The following SNTG1 variants were observed in gnomAD, a reference collection of about 807,000 sequenced individuals.
SNTG1 encodes the protein syntrophin gamma 1.
In SNTG1, 39 loss-of-function variants were observed where a neutral mutation model predicts 74.7. The ratio of observed to expected loss-of-function variants is 0.52; its 90% CI spans 0.40 to 0.68. The LOEUF is 0.68. Ranked by LOEUF, SNTG1 falls within the 30% of genes least tolerant of loss-of-function variation. The pLI is 0.00. For missense variants in SNTG1, 685 were observed against 609.5 expected (o/e 1.12, Z -1.30); for synonymous variants, 254 against 217.1 (o/e 1.17, Z -1.49).
At chr8:50,483,159 A>G (rs1189318229) in intron 8 of SNTG1, among the ~76,000 whole-genome samples, 1 of 152,242 alleles carries the variant, frequency 6.6e-6, no homozygotes, top group Non-Finnish European at 1.5e-5. Context: ...TAAATATTGA[A>G]CAGTCTCATA....
At chr8:50,109,837 G>A (rs2080513993) in intron 1 of SNTG1, among the ~76,000 whole-genome samples, 1 of 152,148 alleles carries the variant, frequency 6.6e-6, no homozygotes, top group South Asian at 2.1e-4. Context: ...CAGTGTGCCG[G>A]CAACAGCCCT....
At chr8:50,693,569 T>G (rs2095391752) in intron 15 of SNTG1, among the ~76,000 whole-genome samples, 1 of 151,922 alleles carries the variant, frequency 6.6e-6, no homozygotes, top group South Asian at 2.1e-4. Context: ...AGACAGAAAA[T>G]TAATAAGGAA....
intron 2 of SNTG1, among the ~76,000 whole-genome samples, chr8:50,234,952 A>G (rs2085814245): frequency 6.6e-6 from 1 of 152,142 alleles, no homozygotes; most frequent in African/African-American, 2.4e-5. Flanking sequence ...GTCATAGGAT[A>G]TTAGACAAAA....
At chr8:50,126,105 C>T (rs1028320246) in intron 1 of SNTG1, among the ~76,000 whole-genome samples, 16 of 152,000 alleles carry the variant, frequency 1.1e-4, no homozygotes, top group African/African-American at 2.7e-4. Flanking sequence ...GACAAGTGGC[C>T]GCACACTGAG....
At chr8:49,998,840 T>C (rs897211442) in intron 1 of SNTG1, among the ~76,000 whole-genome samples, 1 of 152,196 alleles carries the variant, frequency 6.6e-6, no homozygotes, top group Admixed American at 6.6e-5. Context: ...TAATGATAGA[T>C]AATGATAAAA....
intron 8 of SNTG1, among the ~76,000 whole-genome samples, chr8:50,481,235 G>T (rs1396838021): frequency 6.6e-6 from 1 of 152,112 alleles, no homozygotes; most frequent in Non-Finnish European, 1.5e-5. Context: ...ACAAAAATTA[G>T]CCGGGTATGG....
intron 2 of SNTG1, among the ~76,000 whole-genome samples, chr8:50,305,834 G>A (rs1262196289): frequency 6.6e-6 from 1 of 151,092 alleles, no homozygotes; most frequent in Non-Finnish European, 1.5e-5. Context: ...TAACCCAGTA[G>A]CTCCAATTTA....
At chr8:50,553,690 A>T (rs1161995771) in intron 12 of SNTG1, among the ~76,000 whole-genome samples, 1 of 152,092 alleles carries the variant, frequency 6.6e-6, no homozygotes, top group African/African-American at 2.4e-5. Context: ...TTTCCACTAC[A>T]ACCGTTGCTT....
At chr8:49,965,590 C>T (rs935480708) in intron 1 of SNTG1, among the ~76,000 whole-genome samples, 3 of 152,168 alleles carry the variant, frequency 2.0e-5, no homozygotes, top group Admixed American at 2.0e-4. Context: ...TCTCCATAAG[C>T]AGACACTGGG....
intron 1 of SNTG1, among the ~76,000 whole-genome samples, chr8:50,031,240 T>C (rs1817717497): frequency 6.6e-6 from 1 of 152,048 alleles, no homozygotes; most frequent in Non-Finnish European, 1.5e-5. Flanking sequence ...TCCTTAAGCA[T>C]ACAATTCTCA....
intron 4 of SNTG1, among the ~76,000 whole-genome samples, chr8:50,411,474 C>T (rs1019892462): frequency 6.7e-6 from 1 of 148,668 alleles, no homozygotes; most frequent in Non-Finnish European, 1.5e-5. Flanking sequence ...AAGACTCCAT[C>T]TCAAAAAAAA....
intron 8 of SNTG1, among the ~76,000 whole-genome samples, chr8:50,457,238 A>G (rs2131659981): frequency 6.6e-6 from 1 of 152,308 alleles, no homozygotes; most frequent in Non-Finnish European, 1.5e-5. Context: ...GTCAAAGAAC[A>G]CAAACATTTG....
intron 1 of SNTG1, among the ~76,000 whole-genome samples, chr8:50,070,651 T>C (rs1352503572): frequency 6.6e-6 from 1 of 152,220 alleles, no homozygotes; most frequent in East Asian, 1.9e-4. Context: ...AAAGAAATGA[T>C]TTCAATTCCA....
chr8:50,733,168 T>A (rs909888163), intron 17 of SNTG1, among the ~76,000 whole-genome samples: 6 of 152,032 alleles, frequency 3.9e-5, no homozygotes, highest in Non-Finnish European at 8.8e-5. Context: ...TCCTTACAAA[T>A]GAGAACATGT....
At chr8:50,622,368 C>G (rs79169166) in intron 13 of SNTG1, among the ~76,000 whole-genome samples, 6,552 of 152,152 alleles carry the variant, frequency 0.043, 245 homozygotes, top group African/African-American at 0.095. Flanking sequence ...TGTATAGAAA[C>G]AGTTAATGTT....
chr8:50,662,612 A>G (rs1055570763), intron 15 of SNTG1, among the ~76,000 whole-genome samples: 2 of 152,234 alleles, frequency 1.3e-5, no homozygotes, highest in African/African-American at 4.8e-5. Context: ...CTTGCACATG[A>G]TACTACACTG....
rs543411155 is a variant in SNTG1 at position 50,063,915 on chromosome 8, G to A, written c.-102-108646G>A. On this transcript the variant is annotated intron_variant, in intron 1 of 18. Coordinates refer to ENST00000642720, the MANE Select transcript of SNTG1 (RefSeq NM_018967.5). ...CTCAAGCTCTAATCTCCTGCAGAACGTGTGTTATAGGATGAGGATTCACAA... is the reference window on the plus strand; with the variant it reads ...CTCAAGCTCTAATCTCCTGCAGAACATGTGTTATAGGATGAGGATTCACAA... Among the ~76,000 whole-genome samples the A allele has an allele frequency of 2.9e-4, 44 of 152,270 alleles. 1 individual carries two copies. In the South Asian group the frequency reaches 7.0e-3, roughly 24 times the overall value.
In SNTG1 at chr8:50,496,232, C is replaced by T. The variant is rs549561901; in HGVS notation, c.364-6546C>T. Among the ~76,000 whole-genome samples, 15 of 152,170 alleles carry T rather than the reference C, an allele frequency of 9.9e-5. No homozygotes were observed. In the South Asian group the frequency reaches 3.1e-3, roughly 32 times the overall value. ...GACCGTTTTCCATCATTGTTACTGG[C>T]GGGCAGAAATACGTCAATCTGACTC... On this transcript the variant is annotated intron_variant, in intron 8 of 18. Coordinates refer to ENST00000642720, the MANE Select transcript of SNTG1 (RefSeq NM_018967.5).
Position 50,394,416 on chromosome 8 carries a change from T to A in SNTG1, c.27+151T>A, listed in dbSNP as rs1587456819. On this transcript the variant is annotated intron_variant, in intron 3 of 18. Coordinates refer to ENST00000642720, the MANE Select transcript of SNTG1 (RefSeq NM_018967.5). ...TTCCTTCCAGATTACGTTCTCCTTC[T>A]GCAAAGATAGAAAACCTAACTGTGC... The A allele has an allele frequency of 1.3e-5, 9 of 713,546 alleles. No homozygotes were observed. The East Asian group carries it at 2.3e-4, about 18-fold the overall frequency. 44.2% of individuals were successfully genotyped at this position (713,546 alleles called of 1,614,324 possible). A position where few individuals can be genotyped will look rare whatever the true frequency, so the allele number is the denominator to read the frequency against.
Sources: gnomAD v4.1 joint callset for allele counts (sites outside exome capture counted in the v4.1 genomes callset) on GRCh38, gnomAD v4.1.1 for gene constraint, MANE v1.5 for transcripts, NCBI Gene and HGNC (gene_info 2026-07-23, HGNC 2026-07-21) for gene names.